MYRIP: variants seen among roughly 807,000 people sequenced by gnomAD.
MYRIP encodes the protein myosin VIIA and Rab interacting protein, also known as rab effector MyRIP.
In MYRIP, 49 loss-of-function variants were observed where a neutral mutation model predicts 98.0. The ratio of observed to expected loss-of-function variants is 0.50; its 90% confidence interval spans 0.40 to 0.63. The LOEUF is 0.63. Ranked by LOEUF, MYRIP falls within the 30% of genes least tolerant of loss-of-function variation. The pLI is 0.00. For synonymous variants in MYRIP, 404 were observed against 409.5 expected, an observed-to-expected ratio of 0.99 and a Z score of 0.16; for missense variants, 1,004 against 1,058.2, an observed-to-expected ratio of 0.95 and a Z score of 0.71.
chr3:40,125,732 C>T (rs1949514312), intron 3 of MYRIP, among the ~76,000 whole-genome samples: 1 of 152,192 alleles, frequency 6.6e-6, no homozygotes, highest in Admixed American at 6.5e-5. Context: ...CTAGGAGCAG[C>T]TGCGGGTAAA....
intron 3 of MYRIP, among the ~76,000 whole-genome samples, chr3:40,076,452 C>A (rs1235867951): frequency 6.6e-6 from 1 of 152,202 alleles, no homozygotes; most frequent in Admixed American, 6.5e-5. Flanking sequence ...CAAACCATAT[C>A]AATTAAGTCA....
At chr3:39,978,460 C>G (rs553426700) in intron 2 of MYRIP, among the ~76,000 whole-genome samples, 10 of 152,260 alleles carry the variant, frequency 6.6e-5, no homozygotes, top group Middle Eastern at 3.4e-3. Context: ...ATTAGGTGAC[C>G]TTGAGGCTGT....
At chr3:40,081,052 T>C (rs528337492) in intron 3 of MYRIP, among the ~76,000 whole-genome samples, 26 of 152,152 alleles carry the variant, frequency 1.7e-4, no homozygotes, top group Non-Finnish European at 3.2e-4. Flanking sequence ...GTTTTTCTAA[T>C]TGTCTTTTTG....
chr3:39,977,706 T>C (rs910777298), intron 2 of MYRIP, among the ~76,000 whole-genome samples: 3 of 152,188 alleles, frequency 2.0e-5, no homozygotes, highest in Non-Finnish European at 2.9e-5. Flanking sequence ...TCCATAAACC[T>C]TGAGGCCATT....
intron 11 of MYRIP, among the ~76,000 whole-genome samples, chr3:40,215,146 A>C (rs190187456): frequency 9.1e-4 from 139 of 152,294 alleles, no homozygotes; most frequent in Admixed American, 5.6e-3. Flanking sequence ...AAATTTGTAC[A>C]TCTAGTGTCC....
chr3:40,183,619 A>G (rs1950949161), intron 9 of MYRIP, among the ~76,000 whole-genome samples: 1 of 152,204 alleles, frequency 6.6e-6, no homozygotes, highest in Admixed American at 6.5e-5. Flanking sequence ...ATGTCAGACT[A>G]AAACTTCCCC....
intron 2 of MYRIP, among the ~76,000 whole-genome samples, chr3:39,917,191 T>A (rs917595645): frequency 4.6e-5 from 7 of 151,962 alleles, no homozygotes; most frequent in Admixed American, 4.6e-4. Context: ...CTAAAAAGAA[T>A]AACATAATGG....
intron 2 of MYRIP, among the ~76,000 whole-genome samples, chr3:39,944,280 T>C (rs1220444450): frequency 6.6e-6 from 1 of 152,140 alleles, no homozygotes; most frequent in South Asian, 2.1e-4. Flanking sequence ...GAGGTTATAA[T>C]TGTAACATTG....
intron 3 of MYRIP, among the ~76,000 whole-genome samples, chr3:40,053,750 C>G (rs1947834448): frequency 6.6e-6 from 1 of 152,164 alleles, no homozygotes; most frequent in Non-Finnish European, 1.5e-5. Context: ...AACAGGCTTC[C>G]TTACTCAACC....
intron 2 of MYRIP, among the ~76,000 whole-genome samples, chr3:40,034,766 A>G (rs1281126841): frequency 6.6e-6 from 1 of 151,934 alleles, no homozygotes; most frequent in African/African-American, 2.4e-5. Context: ...ATAAAGACAC[A>G]TGCACACGTA....
chr3:40,160,668 C>T (rs186835492), intron 4 of MYRIP, among the ~76,000 whole-genome samples: 2,368 of 152,276 alleles, frequency 0.016, 25 homozygotes, highest in Non-Finnish European at 0.022. Flanking sequence ...TAGGACCCTC[C>T]GAGCCAGGTG....
chr3:40,152,079 A>G (rs1435249002), intron 4 of MYRIP, among the ~76,000 whole-genome samples: 2 of 152,242 alleles, frequency 1.3e-5, no homozygotes, highest in African/African-American at 4.8e-5. Context: ...TGTCATTATT[A>G]GAATTTCTGT....
chr3:40,026,843 G>A (rs1468427902), intron 2 of MYRIP, among the ~76,000 whole-genome samples: 3 of 152,080 alleles, frequency 2.0e-5, no homozygotes, highest in Non-Finnish European at 4.4e-5. Context: ...CATCCTCCTT[G>A]TTCCTCCTCA....
At chr3:40,188,217 C>T (rs2125626438) in intron 9 of MYRIP, among the ~76,000 whole-genome samples, 1 of 152,330 alleles carries the variant, frequency 6.6e-6, no homozygotes, top group East Asian at 1.9e-4. Flanking sequence ...AGGTACAATG[C>T]TCTGTGGGCA....
intron 2 of MYRIP, among the ~76,000 whole-genome samples, chr3:39,924,880 T>C (rs139482973): frequency 1.9e-3 from 288 of 151,800 alleles, no homozygotes; most frequent in African/African-American, 5.5e-3. Flanking sequence ...AAGGAGGAAG[T>C]CTGAAAGGAA....
intron 2 of MYRIP, among the ~76,000 whole-genome samples, chr3:39,925,941 CT>C (rs1944414119): frequency 6.6e-6 from 1 of 152,114 alleles, no homozygotes. Context: ...AATTTACATT[CT>C]CACCAACAGT....
At chr3:39,872,695 C>G (rs953896726) in intron 1 of MYRIP, among the ~76,000 whole-genome samples, 17 of 152,054 alleles carry the variant, frequency 1.1e-4, no homozygotes, top group African/African-American at 3.9e-4. Context: ...GCATAGTATT[C>G]CATGGTGTAT....
chr3:39,955,790 A>G (rs879294288), intron 2 of MYRIP, among the ~76,000 whole-genome samples: 5 of 152,174 alleles, frequency 3.3e-5, no homozygotes, highest in African/African-American at 4.8e-5. Flanking sequence ...CCCATCTCAC[A>G]TGCAGAGACA....
At chr3:40,222,357 A>T (rs1342507958) in intron 11 of MYRIP, among the ~76,000 whole-genome samples, 1 of 152,174 alleles carries the variant, frequency 6.6e-6, no homozygotes, top group Non-Finnish European at 1.5e-5. Flanking sequence ...TGGTAAACTG[A>T]CATAGCACAC....
Sources: gnomAD v4.1 joint callset for allele counts (sites outside exome capture counted in the v4.1 genomes callset) on GRCh38, gnomAD v4.1.1 for gene constraint, MANE v1.5 for transcripts, NCBI Gene and HGNC (gene_info 2026-07-23, HGNC 2026-07-21) for gene names.